Variants in HS6ST2 observed in about 807,000 individuals in gnomAD.
HS6ST2 encodes the protein heparan-sulfate 6-O-sulfotransferase 2.
In HS6ST2, 17 loss-of-function variants were observed where a neutral mutation model predicts 33.0. The ratio of observed to expected loss-of-function variants is 0.52; its 90% confidence interval spans 0.35 to 0.77. The LOEUF is 0.77. Among genes scored for constraint, HS6ST2 ranks in the 30% least tolerant of loss-of-function variants. The probability of loss-of-function intolerance (pLI) is 0.01; values close to 1 mark genes in which losing one functional copy is unlikely to be tolerated. For missense variants in HS6ST2, 519 were observed against 551.7 expected (o/e 0.94, Z 0.59); for synonymous variants, 248 against 237.1 (o/e 1.05, Z -0.42).
rs2148509347 is a variant in HS6ST2 at position 132,957,054 on chromosome X, A to G, written c.701T>C (p.Ile234Thr). 8.3e-7 allele frequency: 1 copy of G among 1,211,705 alleles called. No homozygotes were observed. The highest frequency in any genetic ancestry group is 1.1e-6 in the Non-Finnish European group (1 of 895,417). ...GAAAGTGGTGCCCCCGGTCTTCTGG[A>G]TGTGCAGGAACACGATCAGGTCATC... ...KGDDLIVFLH[I>T]QKTGGTTFGR... Residue 234 changes from isoleucine (I) to threonine (T), a missense_variant, in exon 2 of 5, where the codon ATC becomes ACC. Transcript: ENST00000370833.
intron 2 of HS6ST2, among the ~76,000 whole-genome samples, chrX:132,914,269 T>G (rs2066563667): frequency 8.9e-6 from 1 of 112,206 alleles, no homozygotes; most frequent in African/African-American, 3.2e-5. Context: ...ATATCATCAT[T>G]TTATTAAACC....
At chrX:132,835,382 A>G (rs1251973648) in intron 2 of HS6ST2, among the ~76,000 whole-genome samples, 3 of 111,494 alleles carry the variant, frequency 2.7e-5, no homozygotes, top group African/African-American at 9.8e-5. Flanking sequence ...CCAATTACAT[A>G]AAACACAACC....
intron 2 of HS6ST2, among the ~76,000 whole-genome samples, chrX:132,771,502 C>T (rs1358384541): frequency 9.0e-6 from 1 of 111,647 alleles, no homozygotes; most frequent in Non-Finnish European, 1.9e-5. Context: ...TTTTTTCCCA[C>T]AGCATGACAA....
intron 3 of HS6ST2, among the ~76,000 whole-genome samples, chrX:132,676,876 T>TCTGCTGGATAAAGTGCC (rs1167685169): frequency 8.9e-6 from 1 of 112,072 alleles, no homozygotes. Context: ...AAAATTCAAA[T>TCTGCTGGATAAAGTGCC]CTGCTGGATA....
At chrX:132,777,413 A>G (rs745795551) in intron 2 of HS6ST2, among the ~76,000 whole-genome samples, 3 of 83,963 alleles carry the variant, frequency 3.6e-5, no homozygotes, top group African/African-American at 1.0e-4. Context: ...TGAAGTTTAA[A>G]TATCACTTTT....
intron 2 of HS6ST2, among the ~76,000 whole-genome samples, chrX:132,751,256 G>A (rs953128115): frequency 9.1e-6 from 1 of 110,235 alleles, no homozygotes; most frequent in Non-Finnish European, 1.9e-5. Flanking sequence ...GAGGTGGGGC[G>A]GGGCGGGGGG....
chrX:132,797,501 A>G (rs895728918), intron 2 of HS6ST2, among the ~76,000 whole-genome samples: 1 of 112,154 alleles, frequency 8.9e-6, no homozygotes, highest in Non-Finnish European at 1.9e-5. Context: ...TAACTTGTAA[A>G]CGTAAAGCTG....
intron 2 of HS6ST2, among the ~76,000 whole-genome samples, chrX:132,774,951 G>C (rs2064942538): frequency 9.0e-6 from 1 of 111,019 alleles, no homozygotes; most frequent in Non-Finnish European, 1.9e-5. Context: ...AAATTGCTGG[G>C]ATTACAAGCG....
intron 2 of HS6ST2, among the ~76,000 whole-genome samples, chrX:132,919,851 T>C (rs758521927): frequency 5.4e-5 from 6 of 111,986 alleles, no homozygotes; most frequent in African/African-American, 1.9e-4. Context: ...CTGAACACAT[T>C]TGAAAACCTG....
intron 2 of HS6ST2, among the ~76,000 whole-genome samples, chrX:132,924,786 T>A (rs190036543): frequency 8.9e-6 from 1 of 111,865 alleles, no homozygotes; most frequent in Admixed American, 9.5e-5. Context: ...GCTCAGGAGC[T>A]CCAGACCAGC....
At chrX:132,644,426 G>GTT (rs2063626567) in intron 4 of HS6ST2, among the ~76,000 whole-genome samples, 1 of 111,197 alleles carries the variant, frequency 9.0e-6, no homozygotes, top group Non-Finnish European at 1.9e-5. Flanking sequence ...AACAAAGGAG[G>GTT]CAACTTTCCC....
intron 1 of HS6ST2, among the ~76,000 whole-genome samples, chrX:132,957,759 C>T (rs917040535): frequency 2.7e-5 from 3 of 111,430 alleles, no homozygotes; most frequent in Non-Finnish European, 5.7e-5. Context: ...CTTCGTCCGC[C>T]GGACTCTCCG....
intron 2 of HS6ST2, among the ~76,000 whole-genome samples, chrX:132,800,680 A>G (rs1183228780): frequency 9.0e-6 from 1 of 111,084 alleles, no homozygotes; most frequent in African/African-American, 3.3e-5. Context: ...ATGATCTGCA[A>G]TTGTGAGCTC....
At chrX:132,830,280 G>T (rs1235841621) in intron 2 of HS6ST2, among the ~76,000 whole-genome samples, 2 of 111,845 alleles carry the variant, frequency 1.8e-5, no homozygotes, top group Non-Finnish European at 3.8e-5. Context: ...CAAATTCTGA[G>T]AAAGAGGGAA....
chrX:132,723,836 G>A (rs1255221589), intron 2 of HS6ST2, among the ~76,000 whole-genome samples: 2 of 112,079 alleles, frequency 1.8e-5, no homozygotes, highest in Non-Finnish European at 3.8e-5. Context: ...TCAGACAAGA[G>A]AATGAAACTT....
At chrX:132,782,587 G>A (rs1015739734) in intron 2 of HS6ST2, among the ~76,000 whole-genome samples, 8 of 111,659 alleles carry the variant, frequency 7.2e-5, no homozygotes, top group African/African-American at 1.6e-4. Flanking sequence ...TGGTGGTTAG[G>A]AGAAATGCTG....
chrX:132,656,256 C>T (rs2063729189), intron 4 of HS6ST2, among the ~76,000 whole-genome samples: 1 of 110,352 alleles, frequency 9.1e-6, no homozygotes, highest in South Asian at 3.9e-4. Context: ...TTTAAAAAAG[C>T]TTGCAGAATT....
intron 2 of HS6ST2, among the ~76,000 whole-genome samples, chrX:132,937,481 T>A: frequency 8.9e-6 from 1 of 111,773 alleles, no homozygotes; most frequent in Non-Finnish European, 1.9e-5. Context: ...CAACATGACA[T>A]TGCTGTAAAA....
intron 2 of HS6ST2, among the ~76,000 whole-genome samples, chrX:132,913,077 CCA>C: frequency 9.0e-6 from 1 of 111,327 alleles, no homozygotes; most frequent in East Asian, 2.8e-4. Context: ...TTTGGGACCA[CCA>C]CTCGAGGGCT....
Sources: allele counts gnomAD v4.1 joint callset (sites outside exome capture counted in the v4.1 genomes callset), GRCh38; gene constraint gnomAD v4.1.1; transcripts MANE v1.5; gene names NCBI Gene and HGNC (gene_info 2026-07-23, HGNC 2026-07-21).